The following TENT4B variants were observed in gnomAD, a reference collection of about 807,000 sequenced individuals.
The protein encoded by TENT4B is PAP associated domain containing 5.
TENT4B carries 10 observed loss-of-function variants against 75.0 expected under a neutral mutation model. The ratio of observed to expected loss-of-function variants is 0.13; its 90% CI spans 0.08 to 0.23. TENT4B has a LOEUF of 0.23. Ranked by LOEUF, TENT4B falls within the 10% of genes least tolerant of loss-of-function variation. TENT4B has a pLI of 1.00. For missense variants in TENT4B, 579 were observed against 893.8 expected (o/e 0.65, Z 4.49); for synonymous variants, 350 against 357.7 (o/e 0.98, Z 0.24).
chr16:50,171,593 T>C (rs1254140499), intron 1 of TENT4B, among the ~76,000 whole-genome samples: 5 of 151,594 alleles, frequency 3.3e-5, no homozygotes, highest in African/African-American at 4.8e-5. Context: ...CATATACGGT[T>C]GATATTTGTA....
intron 1 of TENT4B, among the ~76,000 whole-genome samples, chr16:50,167,652 C>T (rs912889824): frequency 2.7e-5 from 3 of 109,308 alleles, no homozygotes; most frequent in African/African-American, 9.3e-5. Flanking sequence ...GTCTTTGATA[C>T]ATTTTGAGGT....
intron 1 of TENT4B, among the ~76,000 whole-genome samples, chr16:50,172,007 T>A (rs1313178333): frequency 6.6e-6 from 1 of 151,942 alleles, no homozygotes; most frequent in Non-Finnish European, 1.5e-5. Context: ...ACCACCACAC[T>A]CTAGCCTGTG....
intron 1 of TENT4B, among the ~76,000 whole-genome samples, chr16:50,158,839 G>A (rs1278013864): frequency 6.6e-6 from 1 of 152,184 alleles, no homozygotes; most frequent in Non-Finnish European, 1.5e-5. Context: ...GATGTGAAGG[G>A]AGAATGAATG....
intron 1 of TENT4B, among the ~76,000 whole-genome samples, chr16:50,206,731 G>T (rs770301945): frequency 6.6e-5 from 10 of 152,142 alleles, no homozygotes; most frequent in Non-Finnish European, 1.3e-4. Context: ...GAATGCAGAA[G>T]CTACTAAGCA....
chr16:50,165,590 A>C (rs1430602579), intron 1 of TENT4B, among the ~76,000 whole-genome samples: 1 of 151,850 alleles, frequency 6.6e-6, no homozygotes, highest in Non-Finnish European at 1.5e-5. Flanking sequence ...CCACTCCCTC[A>C]CACACCCTAA....
chr16:50,231,339 T>TA lies in TENT4B; in HGVS notation c.*2011_*2012insA. On this transcript the variant is annotated 3_prime_UTR_variant, in exon 12 of 12. Transcript: ENST00000561678. Reference sequence around the variant, plus strand: ...GGACAATTGTGAATGTGTAGACTTATGTTTACTGCTAAGGGAACAATTATT... The same window carrying TA: ...GGACAATTGTGAATGTGTAGACTTATAGTTTACTGCTAAGGGAACAATTATT... 2.0e-6 allele frequency: 2 copies of TA among 981,240 alleles called. No individual in the cohort carries two copies. The highest frequency in any genetic ancestry group is 2.4e-6 in the Non-Finnish European group (2 of 825,668). 60.8% of individuals were successfully genotyped at this position (981,240 alleles called of 1,614,324 possible).
rs2032228941 is a variant in TENT4B, at chr16:50,230,021, G to A, written c.*693G>A. 1 of 983,914 alleles carries A rather than the reference G, an allele frequency of 1.0e-6. No homozygotes were observed. The highest frequency in any genetic ancestry group is 6.2e-5 in the Admixed American group (1 of 16,228). The allele number at this position is 983,914 out of a possible 1,614,324, so 60.9% of individuals were successfully genotyped here. ...TCTATTACTCAATTTGTTTTTCTCA[G>A]CATTGAAATGACTTAATAGAACCCT... On this transcript the variant is annotated 3_prime_UTR_variant, in exon 12 of 12. Transcript: ENST00000561678.
At chr16:50,201,973 G>GA (rs879684632) in intron 1 of TENT4B, among the ~76,000 whole-genome samples, 354 of 134,408 alleles carry the variant, frequency 2.6e-3, no homozygotes, top group African/African-American at 7.3e-3. Context: ...CGTCCCTAAA[G>GA]AAAAAAAAAA....
chr16:50,170,183 C>G (rs2038179156), intron 1 of TENT4B, among the ~76,000 whole-genome samples: 1 of 151,658 alleles, frequency 6.6e-6, no homozygotes, highest in Non-Finnish European at 1.5e-5. Flanking sequence ...CCACGCCTGG[C>G]TAATTTTTTG....
In TENT4B at chr16:50,231,521, G is replaced by A; in HGVS notation, c.*2193G>A. 2 of 985,778 alleles carry A rather than the reference G, an allele frequency of 2.0e-6. No individual in the cohort carries two copies. Among genetic ancestry groups the A allele is most frequent in the Non-Finnish European group, 2.4e-6 (2 of 829,900 alleles). The allele number at this position is 985,778 out of a possible 1,614,324, so 61.1% of individuals were successfully genotyped here. A position where few individuals can be genotyped will look rare whatever the true frequency, so the allele number is the denominator to read the frequency against. On this transcript the variant is annotated 3_prime_UTR_variant, in exon 12 of 12. Coordinates refer to ENST00000561678, the MANE Select transcript of TENT4B (RefSeq NM_001365324.3). ...TGTTGAAAGTAAATGTACTCTTAGG[G>A]TGCGAATATTAGTGTTCCAATAAGC...
intron 5 of TENT4B, among the ~76,000 whole-genome samples, chr16:50,221,673 C>A (rs1284404883): frequency 6.6e-6 from 1 of 152,098 alleles, no homozygotes; most frequent in Non-Finnish European, 1.5e-5. Flanking sequence ...TGTACTCTTT[C>A]TATTCTCTGT....
chr16:50,154,210 T>C lies in TENT4B; in HGVS notation c.589T>C (p.Tyr197His). The C allele has an allele frequency of 6.7e-7, 1 of 1,493,542 alleles. No homozygotes were observed. The highest frequency in any genetic ancestry group is 1.3e-5 in the South Asian group (1 of 77,740). 92.5% of individuals were successfully genotyped at this position (1,493,542 alleles called of 1,614,324 possible). ...GGRADGGGVV[Y>H]SGTPWKRRNY... ...CCGAGCAGACGGCGGCGGGGTCGTG[T>C]ACAGCGGGACCCCGTGGAAACGGAG... is the stretch of plus-strand genomic sequence containing the variant. The change falls in exon 1 of 12, where the codon TAC becomes CAC. Residue 197 changes from tyrosine to histidine, a missense_variant. This residue lies in a region of TENT4B where 253 missense variants were observed against 270.1 expected (regional missense o/e 0.94). Coordinates refer to ENST00000561678, the MANE Select transcript of TENT4B (RefSeq NM_001365324.3).
chr16:50,212,102 T>C (rs542541247), intron 2 of TENT4B, among the ~76,000 whole-genome samples: 1 of 152,236 alleles, frequency 6.6e-6, no homozygotes, highest in East Asian at 1.9e-4. Context: ...ACTCTGTTGC[T>C]GAGGCTGGAG....
intron 1 of TENT4B, among the ~76,000 whole-genome samples, chr16:50,197,611 G>T (rs866930093): frequency 2.0e-5 from 3 of 152,148 alleles, no homozygotes; most frequent in Non-Finnish European, 4.4e-5. Context: ...AGCAAAGAAT[G>T]ATTTGCAAAT....
intron 1 of TENT4B, 68 bp downstream of exon 1, chr16:50,154,327 A>AG: frequency 7.2e-7 from 1 of 1,380,306 alleles, no homozygotes; most frequent in Non-Finnish European, 9.3e-7. Flanking sequence ...ACGCCCACAG[A>AG]GGGGGGTTGT....
intron 2 of TENT4B, among the ~76,000 whole-genome samples, chr16:50,212,164 G>C (rs935815622): frequency 6.6e-6 from 1 of 152,172 alleles, no homozygotes; most frequent in African/African-American, 2.4e-5. Context: ...GGGCTCAGGT[G>C]ATCCACCTCA....
At chr16:50,171,791 C>T (rs988012917) in intron 1 of TENT4B, among the ~76,000 whole-genome samples, 2 of 151,946 alleles carry the variant, frequency 1.3e-5, no homozygotes, top group Non-Finnish European at 2.9e-5. Flanking sequence ...GTGGTGAAAC[C>T]ATGTGCCTAC....
At chr16:50,185,987 C>T (rs1410920683) in intron 1 of TENT4B, among the ~76,000 whole-genome samples, 4 of 152,064 alleles carry the variant, frequency 2.6e-5, no homozygotes, top group African/African-American at 7.2e-5. Flanking sequence ...AAATTAAGTT[C>T]TGCACAAAAC....
intron 1 of TENT4B, among the ~76,000 whole-genome samples, chr16:50,173,224 G>A (rs900096998): frequency 1.3e-5 from 2 of 152,136 alleles, no homozygotes; most frequent in African/African-American, 4.8e-5. Context: ...GATTACAGGC[G>A]TGAGCCACCC....
Sources: gnomAD v4.1 joint callset for allele counts (sites outside exome capture counted in the v4.1 genomes callset) on GRCh38, gnomAD v4.1.1 for gene constraint, gnomAD v4.1.1 regional missense constraint, MANE v1.5 for transcripts, NCBI Gene and HGNC (gene_info 2026-07-23, HGNC 2026-07-21) for gene names.